Variants in MAPK8IP1 observed in about 807,000 individuals in gnomAD.
The protein encoded by MAPK8IP1 is mitogen-activated protein kinase 8 interacting protein 1.
MAPK8IP1 carries 17 observed loss-of-function variants against 72.6 expected under a neutral mutation model. That is an observed-to-expected ratio of 0.23 (90% CI 0.16 to 0.35). The LOEUF is 0.35. MAPK8IP1 is among the 10% of genes least tolerant of loss of function. The pLI is 1.00. For synonymous variants in MAPK8IP1, 401 were observed against 443.4 expected, an observed-to-expected ratio of 0.90 and a Z score of 1.20; for missense variants, 789 against 1,009.7, an observed-to-expected ratio of 0.78 and a Z score of 2.96.
chr11:45,897,062 T>G, intron 1 of MAPK8IP1: 6 of 1,139,888 alleles, frequency 5.3e-6, no homozygotes, highest in Non-Finnish European at 7.7e-6. Flanking sequence ...GCCTCCTAGG[T>G]TCCCCTGGGG....
intron 1 of MAPK8IP1, among the ~76,000 whole-genome samples, chr11:45,895,634 ATATAT>A (rs375914617): frequency 0.19 from 22,122 of 114,028 alleles, 3,110 homozygotes; most frequent in South Asian, 0.25. Context: ...AAAAAAAAAA[ATATAT>A]ATATATATAT....
intron 2 of MAPK8IP1, among the ~76,000 whole-genome samples, chr11:45,899,602 C>G (rs1387663732): frequency 6.6e-6 from 1 of 152,134 alleles, no homozygotes; most frequent in Non-Finnish European, 1.5e-5. Flanking sequence ...TGGCTTAGGG[C>G]GCGGCTGCCA....
intron 1 of MAPK8IP1, among the ~76,000 whole-genome samples, chr11:45,893,266 T>TAGCCGG (rs2086580092): frequency 1.3e-5 from 2 of 151,924 alleles, no homozygotes; most frequent in African/African-American, 4.9e-5. Context: ...AGGGCAGGAC[T>TAGCCGG]GTGGTTGGTG....
In MAPK8IP1 at chr11:45,902,532, G is replaced by C; in HGVS notation, c.765G>C (p.Pro255=). ...MAPPGGPPAA[P]PGGRGHSHRD... Reference sequence around the variant, plus strand: ...CTCCGGGTGGTCCCCCTGCTGCCCCGCCTGGGGGTCGGGGCCACTCGCATC... The same window carrying C: ...CTCCGGGTGGTCCCCCTGCTGCCCCCCCTGGGGGTCGGGGCCACTCGCATC... The change falls in exon 5 of 12, where the codon CCG becomes CCC. Residue 255 remains proline, a synonymous_variant. Transcript: ENST00000241014. This position sits in a 1 kb window ranked among gnomAD's most constrained non-coding sequence, Gnocchi z 9.3. 6.2e-7 allele frequency: 1 copy of C among 1,611,460 alleles called. No homozygotes were observed. The highest frequency in any genetic ancestry group is 1.1e-5 in the South Asian group (1 of 90,882).
chr11:45,891,098 C>T (rs1453022742), intron 1 of MAPK8IP1, among the ~76,000 whole-genome samples: 1 of 152,116 alleles, frequency 6.6e-6, no homozygotes, highest in African/African-American at 2.4e-5. Context: ...TCACACAGTC[C>T]GGCAGTGGCC....
chr11:45,889,710 G>A (rs755546529), intron 1 of MAPK8IP1, among the ~76,000 whole-genome samples: 2 of 152,080 alleles, frequency 1.3e-5, no homozygotes, highest in Non-Finnish European at 2.9e-5. Flanking sequence ...AAGAGAGGGC[G>A]AGTGGCTCCC....
intron 1 of MAPK8IP1, 54 bp downstream of exon 1, chr11:45,885,975 T>C (rs975279662): frequency 8.5e-7 from 1 of 1,174,748 alleles, no homozygotes; most frequent in Non-Finnish European, 1.1e-6. Context: ...CTGATCCGCA[T>C]TGGCTGCCCT....
chr11:45,900,526 C>A lies in MAPK8IP1; in HGVS notation c.522+74C>A. On this transcript the variant is annotated intron_variant, in intron 3 of 11. Coordinates refer to ENST00000241014, the MANE Select transcript of MAPK8IP1 (RefSeq NM_005456.4). The surrounding 1 kb of genome is among the most constrained non-coding windows in gnomAD (Gnocchi z 6.5). Reference sequence around the variant, plus strand: ...GAGGGGGAGCGCAGAGGGGCTGCAGCGGGAAGGGGCACCCACGGGTCCAGT... The same window carrying A: ...GAGGGGGAGCGCAGAGGGGCTGCAGAGGGAAGGGGCACCCACGGGTCCAGT... 6.7e-7 allele frequency: 1 copy of A among 1,486,212 alleles called. No individual in the cohort carries two copies. The highest frequency in any genetic ancestry group is 9.0e-7 in the Non-Finnish European group (1 of 1,113,882). The allele number at this position is 1,486,212 out of a possible 1,614,324, so 92.1% of individuals were successfully genotyped here.
intron 1 of MAPK8IP1, among the ~76,000 whole-genome samples, chr11:45,890,721 C>T (rs2086560349): frequency 1.3e-5 from 2 of 151,266 alleles, no homozygotes; most frequent in African/African-American, 2.4e-5. Context: ...GACCAGAGGG[C>T]GGTGGGCAGG....
intron 1 of MAPK8IP1, among the ~76,000 whole-genome samples, chr11:45,892,919 C>G (rs1297161221): frequency 6.6e-6 from 1 of 152,208 alleles, no homozygotes; most frequent in Non-Finnish European, 1.5e-5. Context: ...AGCGGCCAGT[C>G]AACAGGTGTC....
In MAPK8IP1 at chr11:45,898,182, T is replaced by G; in HGVS notation, c.199T>G (p.Ser67Ala). 6.2e-7 allele frequency: 1 copy of G among 1,610,326 alleles called. No homozygotes were observed. The highest frequency in any genetic ancestry group is 8.5e-7 in the Non-Finnish European group (1 of 1,177,092). Residue 67 changes from serine (S) to alanine (A), a missense_variant, in exon 2 of 12, where the codon TCC becomes GCC. Around this residue, in one of 4 missense-constraint regions of MAPK8IP1, gnomAD observed 112 missense variants for 111.8 expected, o/e 1.00. Coordinates refer to ENST00000241014, the MANE Select transcript of MAPK8IP1 (RefSeq NM_005456.4). ...GISLQCKDTL[S>A]LRPPRAGLLS... ...CAGCTTACAGTGCAAAGACACCCTG[T>G]CCTTACGGGTAAGGGCAAGCTCCCA...
In MAPK8IP1 at chr11:45,885,807, G is replaced by T. The variant is rs2086521994; in HGVS notation, c.-14G>T. ...CGCCGCGCTCCGCCCGGATGGCCAG[G>T]GCTGTGCCCGAGAATGGCGGAGCGA... On this transcript the variant is annotated 5_prime_UTR_variant, in exon 1 of 12. Coordinates refer to ENST00000241014, the MANE Select transcript of MAPK8IP1 (RefSeq NM_005456.4). The T allele has an allele frequency of 1.4e-6, 2 of 1,405,366 alleles. No homozygotes were observed. The highest frequency in any genetic ancestry group is 1.9e-6 in the Non-Finnish European group (2 of 1,076,240). 87.1% of individuals were successfully genotyped at this position (1,405,366 alleles called of 1,614,324 possible).
rs2134674959 is a variant in MAPK8IP1 at position 45,901,003 on chromosome 11, G to A, written c.522+551G>A. On this transcript the variant is annotated intron_variant, in intron 3 of 11. Coordinates refer to ENST00000241014, the MANE Select transcript of MAPK8IP1 (RefSeq NM_005456.4). ...ATGGGAGATGGAGCTGCTTGGCTAAGTTGGGGACCTAGGGCCCCTGGGAGG... is the reference window on the plus strand; with the variant it reads ...ATGGGAGATGGAGCTGCTTGGCTAAATTGGGGACCTAGGGCCCCTGGGAGG... Among the ~76,000 whole-genome samples the A allele has an allele frequency of 1.3e-5, 2 of 152,252 alleles. 1 individual carries two copies. The highest frequency in any genetic ancestry group is 4.1e-4 in the South Asian group (2 of 4,834).
intron 11 of MAPK8IP1, 92 bp from the exon 12 acceptor site, chr11:45,905,557 C>T (rs2086701211): frequency 8.5e-7 from 1 of 1,175,826 alleles, no homozygotes. Flanking sequence ...GCACTTGGGC[C>T]CCAAGGCTCC....
chr11:45,901,790 A>G, intron 3 of MAPK8IP1, 190 bp from the exon 4 acceptor site: 3 of 719,938 alleles, frequency 4.2e-6, no homozygotes, highest in Non-Finnish European at 7.6e-6. Flanking sequence ...CAGAGCCGGC[A>G]AGCCTGGCTG....
intron 1 of MAPK8IP1, chr11:45,896,801 A>G (rs1404405652): frequency 1.9e-6 from 3 of 1,541,264 alleles, no homozygotes; most frequent in Non-Finnish European, 2.6e-6. Flanking sequence ...CCCTGCCTTG[A>G]GCCCTGGCCC....
rs568658307 is a variant in MAPK8IP1, at chr11:45,906,356, G to T, written c.*635G>T. 4.6e-5 allele frequency: 24 copies of T among 525,914 alleles called. No individual in the cohort carries two copies. Among genetic ancestry groups the T allele is most frequent in the Admixed American group, 1.6e-4 (4 of 25,680 alleles). 32.6% of individuals were successfully genotyped at this position (525,914 alleles called of 1,614,324 possible). On this transcript the variant is annotated 3_prime_UTR_variant, in exon 12 of 12. Transcript: ENST00000241014. Reference sequence around the variant, plus strand: ...CCTCAGGCGGGGAGGAGGAGCTGCCGCAAGGCCCTGTCCCAGCAGAAGAGG... The same window carrying T: ...CCTCAGGCGGGGAGGAGGAGCTGCCTCAAGGCCCTGTCCCAGCAGAAGAGG...
Position 45,900,127 on chromosome 11 carries a change from G to A in MAPK8IP1, c.208-11G>A. The A allele has an allele frequency of 8.1e-7, 1 of 1,239,372 alleles. No individual in the cohort carries two copies. The highest frequency in any genetic ancestry group is 3.3e-5 in the South Asian group (1 of 30,372). The allele number at this position is 1,239,372 out of a possible 1,614,324, so 76.8% of individuals were successfully genotyped here. The stretch of plus-strand genomic sequence containing the variant: ...GCCCCGCCCCCTGACGCCCCTCCGT[G>A]CGCTGTGCAGCCCCCGCGCGCCGGG... On this transcript the variant is annotated splice_polypyrimidine_tract_variant and intron_variant, in intron 2 of 11. Coordinates refer to ENST00000241014, the MANE Select transcript of MAPK8IP1 (RefSeq NM_005456.4). The surrounding 1 kb of genome is among the most constrained non-coding windows in gnomAD (Gnocchi z 6.5).
At chr11:45,890,190 C>T (rs2086555789) in intron 1 of MAPK8IP1, among the ~76,000 whole-genome samples, 1 of 152,150 alleles carries the variant, frequency 6.6e-6, no homozygotes, top group Admixed American at 6.5e-5. Flanking sequence ...GCAGGATGTG[C>T]AGGAACTTGT....
Sources: allele counts gnomAD v4.1 joint callset (sites outside exome capture counted in the v4.1 genomes callset), GRCh38; gene constraint gnomAD v4.1.1; regional missense constraint gnomAD v4.1.1; non-coding constraint Gnocchi (gnomAD v3.1); transcripts MANE v1.5; gene names NCBI Gene and HGNC (gene_info 2026-07-23, HGNC 2026-07-21).